CAVIN3: variants seen among roughly 807,000 people sequenced by gnomAD.
The protein encoded by CAVIN3 is caveolae associated protein 3, also known as caveolae-associated protein 3.
In CAVIN3, 11 loss-of-function variants were observed where a neutral mutation model predicts 8.2. The observed-to-expected ratio is 1.35, with a 90% CI of 0.85 to 2.23. The LOEUF (loss-of-function observed/expected upper bound fraction) is 2.23. CAVIN3 is among the 30% of genes most tolerant of loss of function. The pLI is 0.00. For synonymous variants in CAVIN3, 191 were observed against 166.3 expected (o/e 1.15, Z -1.14); for missense variants, 401 against 359.5 (o/e 1.12, Z -0.93).
rs1170679454 is a variant in CAVIN3 at position 6,319,112 on chromosome 11, A to G, written c.*51T>C. ...GGCGTGAGTGCTACATTCTGAAAGGATTTATTTTGGGACAAGGCACAAGCA... is the reference window on the plus strand; with the variant it reads ...GGCGTGAGTGCTACATTCTGAAAGGGTTTATTTTGGGACAAGGCACAAGCA... On this transcript the variant is annotated 3_prime_UTR_variant, in exon 2 of 2. Transcript: ENST00000303927. The G allele has an allele frequency of 1.3e-6, 2 of 1,497,690 alleles. No homozygotes were observed. The highest frequency in any genetic ancestry group is 1.8e-6 in the Non-Finnish European group (2 of 1,122,356). The allele number at this position is 1,497,690 out of a possible 1,614,324, so 92.8% of individuals were successfully genotyped here.
At position 6,320,308 on chromosome 11, in the gene CAVIN3, C is replaced by T. The variant is rs763363870; in HGVS notation, c.169G>A (p.Val57Met). Reference sequence around the variant, plus strand: ...CCCAGGCCGCTCTGGATGCGGCGCACGGACCCTGCCAGGCCTCCCTGCCTT... The same window carrying T: ...CCCAGGCCGCTCTGGATGCGGCGCATGGACCCTGCCAGGCCTCCCTGCCTT... ...ARRQGGLAGS[V>M]RRIQSGLGAL... The change falls in exon 1 of 2, where the codon GTG becomes ATG. Residue 57 changes from valine to methionine, a missense_variant. Transcript: ENST00000303927. 1.9e-6 allele frequency: 3 copies of T among 1,564,850 alleles called. No homozygotes were observed. Among genetic ancestry groups the T allele is most frequent in the Non-Finnish European group, 2.6e-6 (3 of 1,163,042 alleles).
In CAVIN3 at chr11:6,319,523, T is replaced by C. The variant is rs1590694881; in HGVS notation, c.426A>G (p.Pro142=). 3.1e-6 allele frequency: 5 copies of C among 1,595,090 alleles called. No individual in the cohort carries two copies. The highest frequency in any genetic ancestry group is 3.4e-6 in the Non-Finnish European group (4 of 1,175,188). The part of the protein sequence containing the change: ...EVPASAFQKA[P]EPLGPADQSE... ...ACTGGTCCGCCGGGCCCAAGGGCTC[T>C]GGTGCCTTCTGGAAAGCGCTGGCTG... Residue 142 remains proline, a synonymous_variant, in exon 2 of 2, where the codon CCA becomes CCG. Coordinates refer to ENST00000303927, the MANE Select transcript of CAVIN3 (RefSeq NM_145040.3).
chr11:6,320,261 G>C lies in CAVIN3; in HGVS notation c.216C>G (p.Asp72Glu). ...GCTGCGCCAAGGTGTTGCTGGTGGT[G>C]TCGTGGCTGCGACTCAGAGCGCCCA... Reference protein sequence around the residue: ...SGLGALSRSHDTTSNTLAQLL... With the variant: ...SGLGALSRSHETTSNTLAQLL... Residue 72 changes from aspartate to glutamate, a missense_variant, in exon 1 of 2, where the codon GAC becomes GAG. Transcript: ENST00000303927. 1 of 1,564,756 alleles carries C rather than the reference G, an allele frequency of 6.4e-7. No individual in the cohort carries two copies. The highest frequency in any genetic ancestry group is 1.7e-4 in the Middle Eastern group (1 of 5,956).
rs955649686 is a variant in CAVIN3 at position 6,320,352 on chromosome 11, C to A, written c.125G>T (p.Arg42Leu). ...LASMLETLRE[R>L]QGGLARRQGG... is the part of the protein sequence containing the mutation. ...CTGCCTTCGAGCCAGGCCTCCCTGC[C>A]GCTCCCGCAGAGTCTCCAGCATGGA... Residue 42 changes from arginine (R) to leucine (L), a missense_variant, in exon 1 of 2, where the codon CGG becomes CTG. Physicochemically the swap from Arg to Leu is moderately radical, Grantham distance 102. Transcript: ENST00000303927. The A allele has an allele frequency of 6.3e-7, 1 of 1,581,612 alleles. No individual in the cohort carries two copies. The highest frequency in any genetic ancestry group is 1.1e-5 in the South Asian group (1 of 88,550).
chr11:6,319,007 T>A lies in CAVIN3; in HGVS notation c.*156A>T. The A allele has an allele frequency of 2.2e-5, 14 of 639,020 alleles. No homozygotes were observed. Among genetic ancestry groups the A allele is most frequent in the South Asian group, 1.3e-4 (4 of 29,742 alleles). The allele number at this position is 639,020 out of a possible 1,614,324, so 39.6% of individuals were successfully genotyped here. ...GCAGGTGTGAGTGACTGCACCTCTT[T>A]CAGAGGACACAGGACTGGGCTTAAG... is the stretch of plus-strand genomic sequence containing the variant. On this transcript the variant is annotated 3_prime_UTR_variant, in exon 2 of 2. Transcript: ENST00000303927.
At position 6,319,493 on chromosome 11, in the gene CAVIN3, C is replaced by T; in HGVS notation, c.456G>A (p.Glu152=). 1 of 1,602,886 alleles carries T rather than the reference C, an allele frequency of 6.2e-7. No homozygotes were observed. Among genetic ancestry groups the T allele is most frequent in the Non-Finnish European group, 8.5e-7 (1 of 1,177,562 alleles). Residue 152 remains glutamate, a synonymous_variant, in exon 2 of 2, where the codon GAG becomes GAA. Transcript: ENST00000303927. ...CGGCCTCCAGCTGCTCTGGGCCCAG[C>T]TCGGACTGGTCCGCCGGGCCCAAGG... ...PEPLGPADQS[E]LGPEQLEAEV... is the part of the protein sequence containing the mutation.
chr11:6,319,622 A>C, intron 1 of CAVIN3, 58 bp from the exon 2 acceptor site: 1 of 1,526,368 alleles, frequency 6.6e-7, no homozygotes, highest in Non-Finnish European at 8.8e-7. Context: ...GCAGCCCGAA[A>C]CTCACTCCTT....
Position 6,320,417 on chromosome 11 carries a change from C to T in CAVIN3, c.60G>A (p.Val20=), listed in dbSNP as rs377685756. ...PVPEAPAGGP[V]HAVTVVTLLE... is the part of the protein sequence containing the mutation. ...GCAGGGTCACCACCGTCACGGCGTG[C>T]ACGGGACCCCCCGCCGGCGCCTCGG... Residue 20 remains valine (V), a synonymous_variant, in exon 1 of 2, where the codon GTG becomes GTA. Transcript: ENST00000303927. 6.4e-7 allele frequency: 1 copy of T among 1,560,804 alleles called. No homozygotes were observed.
At chr11:6,319,742 G>A (rs1846790577) in intron 1 of CAVIN3, 178 bp from the exon 2 acceptor site, 1 of 803,674 alleles carries the variant, frequency 1.2e-6, no homozygotes, top group South Asian at 1.5e-5. Flanking sequence ...ACGCTGTAAA[G>A]TAGGTGAGGC....
rs775842081 is a variant in CAVIN3, at chr11:6,320,192, G to A, written c.285C>T (p.Ala95=). 2.4e-5 allele frequency: 37 copies of A among 1,568,040 alleles called. No individual in the cohort carries two copies. The highest frequency in any genetic ancestry group is 3.2e-5 in the Non-Finnish European group (37 of 1,164,624). The change falls in exon 1 of 2, where the codon GCC becomes GCT. Residue 95 remains alanine, a synonymous_variant. Transcript: ENST00000303927. ...CTGCGCGGCGCACCGCGCGCTCTTG[G>A]GCGGCGTTGGCGTGCGAGCTCACGC... ...AERVSSHANA[A]QERAVRRAAQ... is the part of the protein sequence containing the mutation.
In CAVIN3 at chr11:6,320,493, G is replaced by A. The variant is rs750232576; in HGVS notation, c.-17C>T. On this transcript the variant is annotated 5_prime_UTR_variant, in exon 1 of 2. Transcript: ENST00000303927. Reference sequence around the variant, plus strand: ...CTCCCTCATGATCCCTGACCGCTCTGCTCCGTCTGCCTGCAACTGCTGGCC... The same window carrying A: ...CTCCCTCATGATCCCTGACCGCTCTACTCCGTCTGCCTGCAACTGCTGGCC... 1 of 1,478,746 alleles carries A rather than the reference G, an allele frequency of 6.8e-7. No individual in the cohort carries two copies. The highest frequency in any genetic ancestry group is 2.4e-5 in the Admixed American group (1 of 41,924). 91.6% of individuals were successfully genotyped at this position (1,478,746 alleles called of 1,614,324 possible).
At position 6,319,573 on chromosome 11, in the gene CAVIN3, G is replaced by C. The variant is rs775298101; in HGVS notation, c.385-9C>G. On this transcript the variant is annotated splice_polypyrimidine_tract_variant and intron_variant, in intron 1 of 1. Coordinates refer to ENST00000303927, the MANE Select transcript of CAVIN3 (RefSeq NM_145040.3). ...GGGACTTCACCCTCCTCCTGCATGT[G>C]ACGGACACAGCACTGATCCTGGCAG... The C allele has an allele frequency of 1.2e-5, 19 of 1,562,258 alleles. No homozygotes were observed. The highest frequency in any genetic ancestry group is 1.5e-5 in the Non-Finnish European group (17 of 1,160,268).
chr11:6,319,373 G>A lies in CAVIN3; in HGVS notation c.576C>T (p.Ala192=), dbSNP rs1367036209. The A allele has an allele frequency of 1.3e-6, 2 of 1,597,978 alleles. No individual in the cohort carries two copies. The highest frequency in any genetic ancestry group is 1.7e-6 in the Non-Finnish European group (2 of 1,173,906). ...GLQKVQSLRR[A]LSGRKGPAAP... The stretch of plus-strand genomic sequence containing the variant: ...CTGCAGGGCCTTTCCGGCCCGAAAG[G>A]GCCCTTCGGAGGCTCTGTACCTTCT... The change falls in exon 2 of 2, where the codon GCC becomes GCT. Residue 192 remains alanine (A), a synonymous_variant. Coordinates refer to ENST00000303927, the MANE Select transcript of CAVIN3 (RefSeq NM_145040.3).
In CAVIN3 at chr11:6,319,174, TCTC is replaced by T; in HGVS notation, c.772_774del (p.Glu258del). On this transcript the variant is annotated inframe_deletion, in exon 2 of 2. Coordinates refer to ENST00000303927, the MANE Select transcript of CAVIN3 (RefSeq NM_145040.3). ...GGCAACACCAGCCCTCAGGCTACAC[TCTC>T]CATTTGGAGCAGAGCTTCTTCGGCA... is the stretch of plus-strand genomic sequence containing the variant. 6.5e-7 allele frequency: 1 copy of T among 1,527,770 alleles called. No individual in the cohort carries two copies. Among genetic ancestry groups the T allele is most frequent in the Non-Finnish European group, 8.8e-7 (1 of 1,140,888 alleles). 94.6% of individuals were successfully genotyped at this position (1,527,770 alleles called of 1,614,324 possible). A position where few individuals can be genotyped will look rare whatever the true frequency, so the allele number is the denominator to read the frequency against.
Position 6,319,059 on chromosome 11 carries a change from G to C in CAVIN3, c.*104C>G. The C allele has an allele frequency of 8.0e-7, 1 of 1,248,850 alleles. No individual in the cohort carries two copies. The allele number at this position is 1,248,850 out of a possible 1,614,324, so 77.4% of individuals were successfully genotyped here. ...AAGGGAGGGCCAGAGCGCCCGCCTT[G>C]GTGGATGTAGGATTCGCTCCTTATT... On this transcript the variant is annotated 3_prime_UTR_variant, in exon 2 of 2. Transcript: ENST00000303927.
At position 6,319,194 on chromosome 11, in the gene CAVIN3, T is replaced by C; in HGVS notation, c.755A>G (p.Glu252Gly). ...EDPGRPGAAE[E>G]ALLQMESVA Reference sequence around the variant, plus strand: ...TACACTCTCCATTTGGAGCAGAGCTTCTTCGGCAGCCCCAGGTCTCCCGGG... The same window carrying C: ...TACACTCTCCATTTGGAGCAGAGCTCCTTCGGCAGCCCCAGGTCTCCCGGG... The change falls in exon 2 of 2, where the codon GAA becomes GGA. Residue 252 changes from glutamate (E) to glycine (G), a missense_variant. Transcript: ENST00000303927. The C allele has an allele frequency of 1.3e-6, 2 of 1,540,548 alleles. No homozygotes were observed. The highest frequency in any genetic ancestry group is 1.7e-6 in the Non-Finnish European group (2 of 1,147,580).
chr11:6,318,985 GGT>G lies in CAVIN3; in HGVS notation c.*176_*177del. ...CTTTTATTGATGGTGAGCGCAAGCA[GGT>G]GTGAGTGACTGCACCTCTTTCAGAG... On this transcript the variant is annotated 3_prime_UTR_variant, in exon 2 of 2. Transcript: ENST00000303927. 1 of 541,254 alleles carries G rather than the reference GGT, an allele frequency of 1.8e-6. No individual in the cohort carries two copies. Among genetic ancestry groups the G allele is most frequent in the Non-Finnish European group, 3.2e-6 (1 of 314,198 alleles). 33.5% of individuals were successfully genotyped at this position (541,254 alleles called of 1,614,324 possible).
Position 6,320,215 on chromosome 11 carries a change from C to G in CAVIN3, c.262G>C (p.Val88Leu), listed in dbSNP as rs1377148773. 6.4e-7 allele frequency: 1 copy of G among 1,563,972 alleles called. No homozygotes were observed. The highest frequency in any genetic ancestry group is 1.8e-5 in the Admixed American group (1 of 54,670). Residue 88 changes from valine to leucine, a missense_variant, in exon 1 of 2, where the codon GTG becomes CTG. Physicochemically the swap from Val to Leu is conservative, Grantham distance 32. Coordinates refer to ENST00000303927, the MANE Select transcript of CAVIN3 (RefSeq NM_145040.3). ...LAQLLAKAER[V>L]SSHANAAQER... ...TGGGCGGCGTTGGCGTGCGAGCTCA[C>G]GCGCTCCGCCTTGGCCAGCAGCTGC...
In CAVIN3 at chr11:6,318,993, TGACTGCACCTCTTTCAGAG is replaced by T. The variant is rs1846760502; in HGVS notation, c.*151_*169del. The T allele has an allele frequency of 1.8e-5, 10 of 564,874 alleles. No homozygotes were observed. In the East Asian group the frequency reaches 3.0e-4, roughly 17 times the overall value. The allele number at this position is 564,874 out of a possible 1,614,324, so 35.0% of individuals were successfully genotyped here. A position where few individuals can be genotyped will look rare whatever the true frequency, so the allele number is the denominator to read the frequency against. On this transcript the variant is annotated 3_prime_UTR_variant, in exon 2 of 2. Transcript: ENST00000303927. Reference sequence around the variant, plus strand: ...GATGGTGAGCGCAAGCAGGTGTGAGTGACTGCACCTCTTTCAGAGGACACAGGACTGGGCTTAAGGAAGG... The same window carrying T: ...GATGGTGAGCGCAAGCAGGTGTGAGTGACACAGGACTGGGCTTAAGGAAGG...
Sources: allele counts gnomAD v4.1 joint callset, GRCh38; gene constraint gnomAD v4.1.1; transcripts MANE v1.5; gene names NCBI Gene and HGNC (gene_info 2026-07-23, HGNC 2026-07-21).